Variants in PTPN5 observed in about 807,000 individuals in gnomAD.
PTPN5 encodes the protein protein tyrosine phosphatase non-receptor type 5.
A neutral mutation model predicts 73.9 loss-of-function variants in PTPN5; 29 were observed. The ratio of observed to expected loss-of-function variants is 0.39; its 90% CI spans 0.29 to 0.54. PTPN5 has a LOEUF of 0.54. Ranked by LOEUF, PTPN5 falls within the 20% of genes least tolerant of loss-of-function variation. PTPN5 has a pLI of 0.65. For synonymous variants in PTPN5, 267 were observed against 304.7 expected (o/e 0.88, Z 1.29); for missense variants, 652 against 751.4 (o/e 0.87, Z 1.55).
chr11:18,743,607 T>C, intron 4 of PTPN5, 178 bp from the exon 5 acceptor site: 1 of 616,262 alleles, frequency 1.6e-6, no homozygotes, highest in Non-Finnish European at 2.9e-6. Context: ...GCCTCAGGAC[T>C]CTCCTTGGAG....
intron 3 of PTPN5, among the ~76,000 whole-genome samples, chr11:18,746,624 G>T (rs184949672): frequency 1.3e-5 from 2 of 152,234 alleles, no homozygotes; most frequent in East Asian, 3.9e-4. Flanking sequence ...CTCCAGTCTC[G>T]TGGCTAAAAC....
intron 2 of PTPN5, among the ~76,000 whole-genome samples, chr11:18,766,339 C>T (rs1266877158): frequency 6.6e-6 from 1 of 152,156 alleles, no homozygotes; most frequent in African/African-American, 2.4e-5. Flanking sequence ...CTCATGCTCT[C>T]GCTGTTGTGC....
intron 9 of PTPN5, among the ~76,000 whole-genome samples, chr11:18,736,635 C>G (rs1000396132): frequency 5.3e-5 from 8 of 152,236 alleles, no homozygotes; most frequent in Admixed American, 2.0e-4. Context: ...CCAACCCAGT[C>G]TCTGAGGGCA....
chr11:18,776,870 C>T (rs1851182186), intron 1 of PTPN5, among the ~76,000 whole-genome samples: 2 of 152,220 alleles, frequency 1.3e-5, no homozygotes, highest in African/African-American at 4.8e-5. Flanking sequence ...TCATTAAAAA[C>T]ACCATAAAGG....
Position 18,765,851 on chromosome 11 carries a change from G to C in PTPN5, c.53C>G (p.Ser18Cys). Residue 18 changes from serine (S) to cysteine (C), a missense_variant, in exon 3 of 15, where the codon TCC (serine) becomes TGC (cysteine). By Grantham distance (112) the Ser-to-Cys change is moderately radical (BLOSUM62 -1). Around this residue, in one of 3 missense-constraint regions of PTPN5, gnomAD observed 529 missense variants for 573.9 expected, o/e 0.92. Transcript: ENST00000358540. ...GCACATGTCCAGGGCCCCTCCCTCG[G>C]AGTCATCAGCAGCGTGGTTCTCTCT... ...SERENHAADD[S>C]EGGALDMCCS... is the part of the protein sequence containing the mutation. 1 of 1,583,444 alleles carries C rather than the reference G, an allele frequency of 6.3e-7. No homozygotes were observed. The highest frequency in any genetic ancestry group is 1.2e-5 in the South Asian group (1 of 86,258).
chr11:18,729,679 G>A lies in PTPN5; in HGVS notation c.1469C>T (p.Ala490Val). Residue 490 changes from alanine (A) to valine (V), a missense_variant, in exon 13 of 15, where the codon GCC becomes GTC. Physicochemically the swap from Ala to Val is moderately conservative, Grantham distance 64. This residue lies in a region of PTPN5 where 102 missense variants were observed against 160.5 expected (regional missense o/e 0.64). Transcript: ENST00000358540. This position sits in a 1 kb window ranked among gnomAD's most constrained non-coding sequence, Gnocchi z 5.2. Reference protein sequence around the residue: ...EAAQQEGPHCAPIIVHCSAGI... With the variant: ...EAAQQEGPHCVPIIVHCSAGI... ...CCACCTGCAGTGGACGATGATGGGG[G>A]CACAGTGGGGCCCCTCCTGCTGGGC... 3.2e-6 allele frequency: 5 copies of A among 1,575,272 alleles called. No homozygotes were observed. Among genetic ancestry groups the A allele is most frequent in the Non-Finnish European group, 1.7e-6 (2 of 1,159,986 alleles).
At position 18,765,197 on chromosome 11, in the gene PTPN5, C is replaced by A. The variant is rs536563915; in HGVS notation, c.97+610G>T. 1.4e-3 allele frequency among the ~76,000 whole-genome samples: 206 copies of A among 152,228 alleles called. 1 individual carries two copies. The highest frequency in any genetic ancestry group is 4.8e-3 in the African/African-American group (198 of 41,548). On this transcript the variant is annotated intron_variant, in intron 3 of 14. Coordinates refer to ENST00000358540, the MANE Select transcript of PTPN5 (RefSeq NM_006906.2). ...ATAAAAAAATGTAAAACTCTCCCCC[C>A]ACCCCTTCTTTTTCTTCCTTCTGAG...
intron 3 of PTPN5, among the ~76,000 whole-genome samples, chr11:18,746,197 T>TATACACA (rs1849630398): frequency 3.9e-5 from 2 of 51,740 alleles, no homozygotes; most frequent in Non-Finnish European, 5.5e-5. Context: ...ATATATACAT[T>TATACACA]TTTTTTTTTT....
chr11:18,760,163 A>G (rs1327407859), intron 3 of PTPN5, among the ~76,000 whole-genome samples: 1 of 152,136 alleles, frequency 6.6e-6, no homozygotes, highest in Non-Finnish European at 1.5e-5. Flanking sequence ...GCAAGCATGG[A>G]GCATGGAGTA....
At chr11:18,756,910 C>A in intron 3 of PTPN5, among the ~76,000 whole-genome samples, 1 of 132,866 alleles carries the variant, frequency 7.5e-6, no homozygotes. Flanking sequence ...AGTGACAGAG[C>A]AAGACTCCAT....
rs75650144 is a variant in PTPN5, at chr11:18,740,018, G to A, written c.915+585C>T. 3.8e-4 allele frequency among the ~76,000 whole-genome samples: 58 copies of A among 152,312 alleles called. 3 individuals are homozygous for A. In the East Asian group the frequency reaches 0.011, roughly 29 times the overall value. ...AACCTGTATTTTATTGACAACAAAGGTGATATTGTAATCTCCTATGCCTTA... is the reference window on the plus strand; with the variant it reads ...AACCTGTATTTTATTGACAACAAAGATGATATTGTAATCTCCTATGCCTTA... On this transcript the variant is annotated intron_variant, in intron 8 of 14. Transcript: ENST00000358540.
At chr11:18,783,402 T>C (rs970994249) in intron 1 of PTPN5, among the ~76,000 whole-genome samples, 3 of 152,218 alleles carry the variant, frequency 2.0e-5, no homozygotes, top group African/African-American at 7.2e-5. Flanking sequence ...ACAGCTGACT[T>C]GCGTGAAAAT....
At chr11:18,787,871 A>C (rs1469479594) in intron 1 of PTPN5, among the ~76,000 whole-genome samples, 1 of 152,210 alleles carries the variant, frequency 6.6e-6, no homozygotes. Flanking sequence ...ACAACCTGGC[A>C]TGTAACAGAT....
intron 1 of PTPN5, among the ~76,000 whole-genome samples, chr11:18,774,807 T>C (rs1851068103): frequency 6.6e-6 from 1 of 152,080 alleles, no homozygotes; most frequent in African/African-American, 2.4e-5. Flanking sequence ...CCACTTTGGC[T>C]TTCTTTTAAA....
At chr11:18,746,186 TATATATACA>T (rs1235202351) in intron 3 of PTPN5, among the ~76,000 whole-genome samples, 2 of 117,448 alleles carry the variant, frequency 1.7e-5, no homozygotes, top group Admixed American at 1.0e-4. Context: ...TATATATATA[TATATATACA>T]TTTTTTTTTT....
intron 2 of PTPN5, among the ~76,000 whole-genome samples, chr11:18,767,971 T>C (rs1271056409): frequency 6.6e-6 from 1 of 152,212 alleles, no homozygotes; most frequent in Admixed American, 6.5e-5. Context: ...GTTAGAAATG[T>C]CACTGTAATA....
rs559022748 is a variant in PTPN5 at position 18,742,195 on chromosome 11, C to T, written c.725+67G>A. On this transcript the variant is annotated intron_variant, in intron 7 of 14. Coordinates refer to ENST00000358540, the MANE Select transcript of PTPN5 (RefSeq NM_006906.2). The surrounding 1 kb of genome is among the most constrained non-coding windows in gnomAD (Gnocchi z 4.1). ...GCACCAGGAGTCAGAGTCAGGCATC[C>T]ACTCTTCTGATCAGGAGCTAAGAGC... 294 of 1,593,536 alleles carry T rather than the reference C, an allele frequency of 1.8e-4. 1 individual carries two copies. The African/African-American group carries it at 3.8e-3, about 20-fold the overall frequency.
At chr11:18,790,597 C>T (rs912938893) in intron 1 of PTPN5, among the ~76,000 whole-genome samples, 9 of 152,152 alleles carry the variant, frequency 5.9e-5, no homozygotes, top group Non-Finnish European at 1.3e-4. Context: ...CCCCCTCTCC[C>T]CTTTTTTTGG....
In PTPN5 at chr11:18,744,023, C is replaced by T. The variant is rs200135035; in HGVS notation, c.274G>A (p.Ala92Thr). ...ATCCTTACCAGGAACTGTGAGGCAG[C>T]GAACAGGCACAGGCTGCTCCTGACA... ...LTVRSSLCLFAASQFLLACGV... is the reference protein window; with the variant it reads ...LTVRSSLCLFTASQFLLACGV... Residue 92 changes from alanine to threonine, a missense_variant, in exon 4 of 15, where the codon GCT becomes ACT. Around this residue, in one of 3 missense-constraint regions of PTPN5, gnomAD observed 529 missense variants for 573.9 expected, o/e 0.92. Coordinates refer to ENST00000358540, the MANE Select transcript of PTPN5 (RefSeq NM_006906.2). 17 of 1,601,994 alleles carry T rather than the reference C, an allele frequency of 1.1e-5. No homozygotes were observed. The highest frequency in any genetic ancestry group is 2.7e-5 in the African/African-American group (2 of 74,054).
Sources: gnomAD v4.1 joint callset for allele counts (sites outside exome capture counted in the v4.1 genomes callset) on GRCh38, gnomAD v4.1.1 for gene constraint, gnomAD v4.1.1 regional missense constraint, Gnocchi (gnomAD v3.1) non-coding constraint, MANE v1.5 for transcripts, NCBI Gene and HGNC (gene_info 2026-07-23, HGNC 2026-07-21) for gene names.